FAM120A: variants seen among roughly 807,000 people sequenced by gnomAD.
FAM120A encodes the protein family with sequence similarity 120 member A, also known as constitutive coactivator of PPAR-gamma-like protein 1.
In FAM120A, 15 loss-of-function variants were observed where a neutral mutation model predicts 109.7. The observed-to-expected ratio is 0.14, with a 90% CI of 0.09 to 0.21. The LOEUF (loss-of-function observed/expected upper bound fraction) is 0.21, where lower values mean the gene tolerates loss of function less well. Ranked by LOEUF, FAM120A falls within the 10% of genes least tolerant of loss-of-function variation. The pLI, the probability that FAM120A is intolerant of heterozygous loss-of-function variation, is 1.00. For missense variants in FAM120A, 899 were observed against 1,439.3 expected (o/e 0.62, Z 6.07); for synonymous variants, 493 against 572.8 (o/e 0.86, Z 1.99).
intron 7 of FAM120A, among the ~76,000 whole-genome samples, chr9:93,521,556 G>A (rs752120046): frequency 6.6e-6 from 1 of 151,130 alleles, no homozygotes; most frequent in Non-Finnish European, 1.5e-5. Context: ...CAGTCCAGCC[G>A]GGCAACAGAA....
chr9:93,561,462 A>T (rs1273911729), intron 16 of FAM120A, among the ~76,000 whole-genome samples: 1 of 152,158 alleles, frequency 6.6e-6, no homozygotes, highest in Non-Finnish European at 1.5e-5. Flanking sequence ...TGGCACAATC[A>T]CAGTTCAGTG....
In FAM120A at chr9:93,471,166, A is replaced by G; in HGVS notation, c.500A>G (p.His167Arg). The G allele has an allele frequency of 6.2e-7, 1 of 1,614,244 alleles. No homozygotes were observed. Among genetic ancestry groups the G allele is most frequent in the Non-Finnish European group, 8.5e-7 (1 of 1,180,042 alleles). The change falls in exon 2 of 18, where the codon CAT becomes CGT. Residue 167 changes from histidine to arginine, a missense_variant. Coordinates refer to ENST00000277165, the MANE Select transcript of FAM120A (RefSeq NM_014612.5). ...VKVAQSIEDHHQEVIGFCREN... is the reference protein window; with the variant it reads ...VKVAQSIEDHRQEVIGFCREN... The stretch of plus-strand genomic sequence containing the variant: ...GTTGCACAGAGCATTGAGGATCACC[A>G]TCAGGAAGTGATTGGTTTCTGCAGA...
At chr9:93,523,014 A>G (rs2131438768) in intron 7 of FAM120A, among the ~76,000 whole-genome samples, 1 of 152,240 alleles carries the variant, frequency 6.6e-6, no homozygotes. Flanking sequence ...GCAGAACCTC[A>G]GAGCATTCAA....
At chr9:93,551,405 AT>A in intron 12 of FAM120A, among the ~76,000 whole-genome samples, 1 of 152,310 alleles carries the variant, frequency 6.6e-6, no homozygotes, top group East Asian at 1.9e-4. Flanking sequence ...TCCATATTAA[AT>A]TTTAGAAAGT....
chr9:93,489,242 T>C (rs759018368), intron 3 of FAM120A, among the ~76,000 whole-genome samples: 15 of 152,192 alleles, frequency 9.9e-5, no homozygotes, highest in Non-Finnish European at 2.1e-4. Flanking sequence ...GGTGGATACT[T>C]AGTAAGCTCC....
intron 1 of FAM120A, among the ~76,000 whole-genome samples, chr9:93,464,590 G>T (rs1414541138): frequency 6.6e-6 from 1 of 152,154 alleles, no homozygotes; most frequent in Non-Finnish European, 1.5e-5. Flanking sequence ...TGCTCCTCGG[G>T]GTTGTTTACA....
intron 10 of FAM120A, among the ~76,000 whole-genome samples, chr9:93,534,253 G>A (rs1036979802): frequency 2.0e-5 from 3 of 152,154 alleles, no homozygotes; most frequent in Non-Finnish European, 2.9e-5. Context: ...CACGTAGGTG[G>A]TGGGGGACAG....
At chr9:93,473,005 T>C (rs1331051464) in intron 2 of FAM120A, among the ~76,000 whole-genome samples, 1 of 151,422 alleles carries the variant, frequency 6.6e-6, no homozygotes, top group Non-Finnish European at 1.5e-5. Flanking sequence ...TTTTCATCGT[T>C]AAGATATCTT....
At chr9:93,542,116 G>A (rs905222449) in intron 10 of FAM120A, among the ~76,000 whole-genome samples, 1 of 152,192 alleles carries the variant, frequency 6.6e-6, no homozygotes, top group Non-Finnish European at 1.5e-5. Context: ...ATATGTTGAA[G>A]ATCAAATTAG....
chr9:93,484,019 A>G lies in FAM120A; in HGVS notation c.804+7681A>G, dbSNP rs181448697. Among the ~76,000 whole-genome samples, 141 of 151,978 alleles carry G rather than the reference A, an allele frequency of 9.3e-4. 1 individual carries two copies. Among genetic ancestry groups the G allele is most frequent in the Middle Eastern group, 3.4e-3 (1 of 292 alleles). On this transcript the variant is annotated intron_variant, in intron 3 of 17. Transcript: ENST00000277165. ...TGCTGGAATCTCTTGGGGCTCAAGA[A>G]TAGTTTTTCTGTGTCTCTCTTTTTT...
At chr9:93,527,011 G>A (rs1861112534) in intron 7 of FAM120A, 144 bp from the exon 8 acceptor site, 7 of 647,292 alleles carry the variant, frequency 1.1e-5, no homozygotes, top group Non-Finnish European at 1.6e-5. Flanking sequence ...AGAAATATTA[G>A]TATAATAGAG....
chr9:93,562,911 C>T (rs540540042), intron 17 of FAM120A, among the ~76,000 whole-genome samples: 15 of 152,236 alleles, frequency 9.9e-5, no homozygotes, highest in East Asian at 3.9e-4. Context: ...GTGATCCGCC[C>T]GCCTTGGCCT....
chr9:93,537,632 T>C (rs1004563008), intron 10 of FAM120A, among the ~76,000 whole-genome samples: 1 of 152,130 alleles, frequency 6.6e-6, no homozygotes, highest in African/African-American at 2.4e-5. Context: ...CCTATATTGA[T>C]TCCTGTATTT....
intron 15 of FAM120A, among the ~76,000 whole-genome samples, chr9:93,560,890 TG>T (rs1244972402): frequency 6.6e-6 from 1 of 152,168 alleles, no homozygotes; most frequent in Non-Finnish European, 1.5e-5. Flanking sequence ...CATTTGCAGT[TG>T]TAACCTAATT....
chr9:93,545,696 A>G (rs897705164), intron 11 of FAM120A, among the ~76,000 whole-genome samples: 5 of 151,056 alleles, frequency 3.3e-5, no homozygotes, highest in Admixed American at 2.6e-4. Flanking sequence ...ATTTAGGAAG[A>G]TTCAATTAAA....
At chr9:93,522,987 G>A (rs1860906947) in intron 7 of FAM120A, among the ~76,000 whole-genome samples, 1 of 152,204 alleles carries the variant, frequency 6.6e-6, no homozygotes, top group Admixed American at 6.5e-5. Context: ...TCTAGGTGAT[G>A]TTGTGACCTG....
chr9:93,547,156 C>A (rs930829266), intron 11 of FAM120A, among the ~76,000 whole-genome samples: 7 of 152,152 alleles, frequency 4.6e-5, no homozygotes, highest in Admixed American at 6.6e-5. Flanking sequence ...CAGAGCAGAG[C>A]AGGTCTTTTT....
Position 93,564,254 on chromosome 9 carries a change from C to A in FAM120A, c.3071C>A (p.Ala1024Glu). The change falls in exon 18 of 18, where the codon GCA becomes GAA. Residue 1024 changes from alanine to glutamate, a missense_variant. Around this residue, in one of 11 missense-constraint regions of FAM120A, gnomAD observed 170 missense variants for 205.0 expected, o/e 0.83. Transcript: ENST00000277165. ...IQGRPPYAAS[A>E]EEVAKELKSK... ...GGCAGACCTCCTTATGCTGCTTCAG[C>A]AGAAGAAGTGGCCAAAGAACTTAAG... 2 of 1,613,012 alleles carry A rather than the reference C, an allele frequency of 1.2e-6. No individual in the cohort carries two copies. Among genetic ancestry groups the A allele is most frequent in the Middle Eastern group, 1.6e-4 (1 of 6,062 alleles).
At chr9:93,528,246 A>G (rs145099875) in intron 8 of FAM120A, among the ~76,000 whole-genome samples, 10 of 152,358 alleles carry the variant, frequency 6.6e-5, no homozygotes, top group South Asian at 6.2e-4. Flanking sequence ...CCAGTGAATT[A>G]TCTATGAGTT....
Sources: allele counts gnomAD v4.1 joint callset (sites outside exome capture counted in the v4.1 genomes callset), GRCh38; gene constraint gnomAD v4.1.1; regional missense constraint gnomAD v4.1.1; transcripts MANE v1.5; gene names NCBI Gene and HGNC (gene_info 2026-07-23, HGNC 2026-07-21).